Variants in WWC2 observed in about 807,000 individuals in gnomAD.
WWC2 encodes the protein protein WWC2.
Under a neutral mutation model 138.5 loss-of-function variants are expected in WWC2, and 101 were observed. The ratio of observed to expected loss-of-function variants is 0.73; its 90% CI spans 0.62 to 0.86. The LOEUF (loss-of-function observed/expected upper bound fraction) is 0.86. Among genes scored for constraint, WWC2 ranks in the 40% least tolerant of loss-of-function variants. The pLI is 0.00. For missense variants in WWC2, 1,420 were observed against 1,419.4 expected (o/e 1.00, Z -0.01); for synonymous variants, 558 against 538.4 (o/e 1.04, Z -0.50).
intron 21 of WWC2, among the ~76,000 whole-genome samples, chr4:183,290,440 G>T (rs568093164): frequency 6.6e-6 from 1 of 151,716 alleles, no homozygotes; most frequent in Non-Finnish European, 1.5e-5. Flanking sequence ...TTTCTTAAAC[G>T]TGGGAGGTGG....
chr4:183,160,374 G>A (rs184320522), intron 1 of WWC2, among the ~76,000 whole-genome samples: 6 of 152,320 alleles, frequency 3.9e-5, no homozygotes, highest in Admixed American at 1.3e-4. Flanking sequence ...ATAAATGCTC[G>A]AAGTGAAATT....
At chr4:183,111,133 G>C (rs28492073) in intron 1 of WWC2, among the ~76,000 whole-genome samples, 2 of 152,076 alleles carry the variant, frequency 1.3e-5, no homozygotes, top group African/African-American at 4.8e-5. Flanking sequence ...CCAGCTCTTC[G>C]GGAGGCTGAG....
At chr4:183,240,629 G>A in intron 5 of WWC2, 1 of 161,048 alleles carries the variant, frequency 6.2e-6, no homozygotes, top group Non-Finnish European at 1.3e-5. Flanking sequence ...GGCTGTACTT[G>A]ACCCCTGTGT....
chr4:183,277,509 C>CTATACCCAGTAA (rs1316282693), intron 16 of WWC2, among the ~76,000 whole-genome samples: 1 of 150,074 alleles, frequency 6.7e-6, no homozygotes, highest in Non-Finnish European at 1.5e-5. Flanking sequence ...AATGGGATGG[C>CTATACCCAGTAA]TGGGTCAAAT....
intron 1 of WWC2, among the ~76,000 whole-genome samples, chr4:183,171,236 A>G (rs1439306195): frequency 6.6e-6 from 1 of 152,194 alleles, no homozygotes; most frequent in Non-Finnish European, 1.5e-5. Context: ...TAAAAGTGAA[A>G]ACATTTATGT....
rs116450595 is a variant in WWC2, at chr4:183,208,473, G to T, written c.445+317G>T. On this transcript the variant is annotated intron_variant, in intron 3 of 22. Coordinates refer to ENST00000403733, the MANE Select transcript of WWC2 (RefSeq NM_024949.6). Reference sequence around the variant, plus strand: ...TAGTTTGGCCCTTTTTGCTACTTTTGTACAATATTTTTAGTGGGGAGGAAC... The same window carrying T: ...TAGTTTGGCCCTTTTTGCTACTTTTTTACAATATTTTTAGTGGGGAGGAAC... 1.0e-2 allele frequency among the ~76,000 whole-genome samples: 1,522 copies of T among 152,202 alleles called. 30 individuals carry two copies. The highest frequency in any genetic ancestry group is 0.035 in the African/African-American group (1,465 of 41,524).
intron 2 of WWC2, among the ~76,000 whole-genome samples, chr4:183,194,213 G>A (rs558812942): frequency 1.3e-5 from 2 of 152,224 alleles, no homozygotes; most frequent in Admixed American, 6.5e-5. Flanking sequence ...TTTCTTTGTC[G>A]TTGGAAGGGA....
At chr4:183,108,541 G>A (rs1732120082) in intron 1 of WWC2, among the ~76,000 whole-genome samples, 1 of 152,102 alleles carries the variant, frequency 6.6e-6, no homozygotes, top group Non-Finnish European at 1.5e-5. Flanking sequence ...CAGGGGTGGA[G>A]GAGTCCTGGG....
At position 183,154,337 on chromosome 4, in the gene WWC2, T is replaced by C. The variant is rs538490046; in HGVS notation, c.132-39262T>C. Among the ~76,000 whole-genome samples the C allele has an allele frequency of 4.6e-5, 7 of 152,286 alleles. No individual in the cohort carries two copies. The South Asian group carries it at 1.4e-3, about 32-fold the overall frequency. ...GAAGGACCTTAAGTCAAAGGCTTAT[T>C]ATGAGCATCCAGCGATACCTGCTCA... On this transcript the variant is annotated intron_variant, in intron 1 of 22. Transcript: ENST00000403733.
rs567902983 is a variant in WWC2, at chr4:183,137,603, A to G, written c.131+37981A>G. 1.2e-3 allele frequency among the ~76,000 whole-genome samples: 178 copies of G among 152,126 alleles called. 2 individuals carry two copies. The highest frequency in any genetic ancestry group is 4.2e-3 in the African/African-American group (173 of 41,470). On this transcript the variant is annotated intron_variant, in intron 1 of 22. Coordinates refer to ENST00000403733, the MANE Select transcript of WWC2 (RefSeq NM_024949.6). ...AACCTTGACCTCTCTGGTTCAAACA[A>G]TCCTCCCACTTCAGGCTCCTAAATA... is the stretch of plus-strand genomic sequence containing the variant.
intron 4 of WWC2, among the ~76,000 whole-genome samples, chr4:183,221,788 C>T (rs1735942336): frequency 6.6e-6 from 1 of 152,164 alleles, no homozygotes; most frequent in African/African-American, 2.4e-5. Flanking sequence ...ATGGAAGTCT[C>T]ATACATTGCT....
At chr4:183,193,479 G>GTTTT in intron 1 of WWC2, 120 bp from the exon 2 acceptor site, 1 of 679,564 alleles carries the variant, frequency 1.5e-6, no homozygotes, top group Non-Finnish European at 2.3e-6. Flanking sequence ...TTTATCCTTG[G>GTTTT]TTTTTTTTTT....
At chr4:183,250,455 G>A (rs1220564697) in intron 8 of WWC2, among the ~76,000 whole-genome samples, 1 of 152,062 alleles carries the variant, frequency 6.6e-6, no homozygotes, top group East Asian at 1.9e-4. Flanking sequence ...TGCTGAGGTG[G>A]CAGTTCCAGT....
intron 7 of WWC2, 99 bp downstream of exon 7, chr4:183,248,959 G>A (rs1736885316): frequency 8.3e-7 from 1 of 1,211,188 alleles, no homozygotes; most frequent in Non-Finnish European, 1.1e-6. Context: ...ATGTGACTTG[G>A]ATTCTGGCTG....
At chr4:183,305,883 A>G (rs1244395279) in intron 21 of WWC2, among the ~76,000 whole-genome samples, 1 of 152,206 alleles carries the variant, frequency 6.6e-6, no homozygotes, top group Non-Finnish European at 1.5e-5. Flanking sequence ...TCTTAATCAC[A>G]TAAATAATTC....
At chr4:183,122,530 TA>T (rs1351972246) in intron 1 of WWC2, among the ~76,000 whole-genome samples, 5 of 152,336 alleles carry the variant, frequency 3.3e-5, no homozygotes, top group South Asian at 2.1e-4. Flanking sequence ...TATTTTATTT[TA>T]TTTTTTTTGT....
chr4:183,099,710 C>T (rs1743100856), intron 1 of WWC2, 88 bp downstream of exon 1: 6 of 1,141,402 alleles, frequency 5.3e-6, no homozygotes, highest in Middle Eastern at 3.5e-4. Flanking sequence ...TGGGGCGGCG[C>T]CGGCCCGCGG....
intron 1 of WWC2, among the ~76,000 whole-genome samples, chr4:183,180,420 A>G (rs527913893): frequency 1.3e-5 from 2 of 152,300 alleles, no homozygotes; most frequent in African/African-American, 4.8e-5. Flanking sequence ...TATTCGTAGA[A>G]TACTGTGCCT....
intron 1 of WWC2, among the ~76,000 whole-genome samples, chr4:183,154,636 T>G (rs553063347): frequency 3.9e-5 from 6 of 152,316 alleles, no homozygotes; most frequent in African/African-American, 1.2e-4. Flanking sequence ...CAAATTTGGA[T>G]TTATCTCATT....
Sources: gnomAD v4.1 joint callset for allele counts (sites outside exome capture counted in the v4.1 genomes callset) on GRCh38, gnomAD v4.1.1 for gene constraint, MANE v1.5 for transcripts, NCBI Gene and HGNC (gene_info 2026-07-23, HGNC 2026-07-21) for gene names.